INPP4B: variants seen among roughly 807,000 people sequenced by gnomAD.
INPP4B encodes the protein inositol polyphosphate 4-phosphatase type II.
In INPP4B, 55 loss-of-function variants were observed where a neutral mutation model predicts 122.5. The observed-to-expected ratio is 0.45, with a 90% CI of 0.36 to 0.56. The LOEUF is 0.56. Ranked by LOEUF, INPP4B falls within the 20% of genes least tolerant of loss-of-function variation. The probability of loss-of-function intolerance (pLI) is 0.00; values close to 1 mark genes in which losing one functional copy is unlikely to be tolerated. For synonymous variants in INPP4B, 403 were observed against 388.7 expected, an observed-to-expected ratio of 1.04 and a Z score of -0.43; for missense variants, 1,000 against 1,097.7, an observed-to-expected ratio of 0.91 and a Z score of 1.26.
intron 15 of INPP4B, among the ~76,000 whole-genome samples, chr4:142,183,762 C>T (rs1006408906): frequency 1.2e-4 from 19 of 152,208 alleles, no homozygotes; most frequent in African/African-American, 3.9e-4. Flanking sequence ...AAAGGAGAAA[C>T]GTAACTTCTA....
In INPP4B at chr4:142,751,933, C is replaced by A. The variant is rs866509793; in HGVS notation, c.-253-26032G>T. 7.2e-5 allele frequency among the ~76,000 whole-genome samples: 11 copies of A among 152,136 alleles called. No individual in the cohort carries two copies. The South Asian group carries it at 2.1e-3, about 29-fold the overall frequency. On this transcript the variant is annotated intron_variant, in intron 1 of 25. Transcript: ENST00000262992. ...CCAAGTATTTCTGAAATTTATTTCA[C>A]CCTCCCCAAAGCATATCATATCTTG... is the stretch of plus-strand genomic sequence containing the variant.
chr4:142,290,939 C>T (rs1239245310), intron 9 of INPP4B, among the ~76,000 whole-genome samples: 1 of 152,058 alleles, frequency 6.6e-6, no homozygotes, highest in Non-Finnish European at 1.5e-5. Flanking sequence ...AGCTATGTAC[C>T]AGGCACTAGT....
chr4:142,373,956 G>A (rs115096087), intron 7 of INPP4B, among the ~76,000 whole-genome samples: 10 of 151,722 alleles, frequency 6.6e-5, no homozygotes, highest in Admixed American at 6.6e-5. Context: ...GAGCAGCCAC[G>A]GTATGACAGG....
rs116773191 is a variant in INPP4B at position 142,509,186 on chromosome 4, G to A, written c.-190-46460C>T. Among the ~76,000 whole-genome samples the A allele has an allele frequency of 4.5e-3, 686 of 152,248 alleles. 9 individuals carry two copies. Among genetic ancestry groups the A allele is most frequent in the African/African-American group, 0.015 (637 of 41,544 alleles). ...TGTGTTCCACTTGCTGACACCGTGCGGGTTCTGTCACTTCCTGACGGTAGC... is the reference window on the plus strand; with the variant it reads ...TGTGTTCCACTTGCTGACACCGTGCAGGTTCTGTCACTTCCTGACGGTAGC... On this transcript the variant is annotated intron_variant, in intron 2 of 25. Transcript: ENST00000262992.
chr4:142,667,002 A>C (rs1417688061), intron 2 of INPP4B, among the ~76,000 whole-genome samples: 3 of 152,186 alleles, frequency 2.0e-5, no homozygotes, highest in Non-Finnish European at 4.4e-5. Flanking sequence ...TTAACATGAT[A>C]TGTATTTGTC....
intron 7 of INPP4B, among the ~76,000 whole-genome samples, chr4:142,338,402 A>AT (rs199515377): frequency 0.088 from 13,312 of 151,038 alleles, 771 homozygotes; most frequent in East Asian, 0.18. Context: ...CACTTAGCTA[A>AT]TTTTTTTTTG....
At chr4:142,100,788 A>G (rs1784142692) in intron 23 of INPP4B, among the ~76,000 whole-genome samples, 1 of 152,068 alleles carries the variant, frequency 6.6e-6, no homozygotes, top group Non-Finnish European at 1.5e-5. Context: ...GCAAAGTTTA[A>G]CAGTGCTTTT....
chr4:142,359,263 G>A (rs923737432), intron 7 of INPP4B, among the ~76,000 whole-genome samples: 6 of 151,506 alleles, frequency 4.0e-5, no homozygotes, highest in African/African-American at 4.8e-5. Flanking sequence ...AACGGCCTTG[G>A]AAAATCCAGG....
chr4:142,409,391 G>A (rs1308969894), intron 5 of INPP4B, among the ~76,000 whole-genome samples: 2 of 152,246 alleles, frequency 1.3e-5, no homozygotes. Context: ...TACTCGGAGG[G>A]CTGAGGTGGG....
intron 2 of INPP4B, among the ~76,000 whole-genome samples, chr4:142,472,338 A>T (rs1269766049): frequency 6.7e-6 from 1 of 150,146 alleles, no homozygotes; most frequent in Non-Finnish European, 1.5e-5. Context: ...AAAAAAAAAA[A>T]GTCATTGTGT....
At chr4:142,501,021 C>T (rs1055486119) in intron 2 of INPP4B, among the ~76,000 whole-genome samples, 12 of 152,126 alleles carry the variant, frequency 7.9e-5, no homozygotes, top group African/African-American at 2.7e-4. Flanking sequence ...GAGTAAATCT[C>T]ATGTTATATA....
chr4:142,063,079 A>G (rs535293756), intron 25 of INPP4B, among the ~76,000 whole-genome samples: 4 of 152,348 alleles, frequency 2.6e-5, no homozygotes, highest in South Asian at 2.1e-4. Context: ...TTTTATATGT[A>G]AGAATGTTGA....
intron 2 of INPP4B, among the ~76,000 whole-genome samples, chr4:142,638,050 T>C (rs1475500800): frequency 6.6e-6 from 1 of 152,212 alleles, no homozygotes; most frequent in Non-Finnish European, 1.5e-5. Flanking sequence ...AAGCTGTTAG[T>C]CTTTTTATTG....
intron 2 of INPP4B, among the ~76,000 whole-genome samples, chr4:142,485,431 A>C (rs1821085398): frequency 6.6e-6 from 1 of 152,138 alleles, no homozygotes; most frequent in African/African-American, 2.4e-5. Flanking sequence ...AGCATTACAT[A>C]GATCAATACT....
chr4:142,106,440 C>A (rs1787159363), intron 23 of INPP4B, among the ~76,000 whole-genome samples: 1 of 151,946 alleles, frequency 6.6e-6, no homozygotes, highest in Admixed American at 6.6e-5. Flanking sequence ...ACCACCATGC[C>A]CGGCTAATTT....
At chr4:142,501,144 GC>G (rs1415061953) in intron 2 of INPP4B, among the ~76,000 whole-genome samples, 1 of 152,166 alleles carries the variant, frequency 6.6e-6, no homozygotes, top group Non-Finnish European at 1.5e-5. Context: ...AACACAGATT[GC>G]CTAATCACAT....
intron 15 of INPP4B, among the ~76,000 whole-genome samples, chr4:142,180,553 T>A (rs74418458): frequency 0.035 from 5,295 of 152,272 alleles, 130 homozygotes; most frequent in Non-Finnish European, 0.057. Flanking sequence ...TATTTAATTT[T>A]GACAACAACC....
chr4:142,821,588 TTTTG>T (rs1483135236), intron 1 of INPP4B, among the ~76,000 whole-genome samples: 2 of 152,214 alleles, frequency 1.3e-5, no homozygotes, highest in African/African-American at 2.4e-5. Flanking sequence ...CATATTTTTA[TTTTG>T]TTTATTTTGT....
intron 3 of INPP4B, among the ~76,000 whole-genome samples, chr4:142,457,622 A>G (rs939241565): frequency 6.6e-6 from 1 of 152,214 alleles, no homozygotes; most frequent in Non-Finnish European, 1.5e-5. Flanking sequence ...ATAACTATCA[A>G]TCATTCTCAA....
Sources: allele counts gnomAD v4.1 joint callset (sites outside exome capture counted in the v4.1 genomes callset), GRCh38; gene constraint gnomAD v4.1.1; transcripts MANE v1.5; gene names NCBI Gene and HGNC (gene_info 2026-07-23, HGNC 2026-07-21).